The following RUNX1T1 variants were observed in gnomAD, a reference collection of about 807,000 sequenced individuals.
RUNX1T1 encodes RUNX1 partner transcriptional co-repressor 1.
In RUNX1T1, 4 loss-of-function variants were observed where a neutral mutation model predicts 62.8. That is an observed-to-expected ratio of 0.06 (90% CI 0.03 to 0.15). The LOEUF (loss-of-function observed/expected upper bound fraction) is 0.15, where lower values mean the gene tolerates loss of function less well. Ranked by LOEUF, RUNX1T1 falls within the 10% of genes least tolerant of loss-of-function variation. The pLI, the probability that RUNX1T1 is intolerant of heterozygous loss-of-function variation, is 1.00. For synonymous variants in RUNX1T1, 291 were observed against 286.0 expected (o/e 1.02, Z -0.18); for missense variants, 508 against 754.3 (o/e 0.67, Z 3.82).
At chr8:92,079,984 C>CT (rs1834998327) in intron 1 of RUNX1T1, among the ~76,000 whole-genome samples, 1 of 151,956 alleles carries the variant, frequency 6.6e-6, no homozygotes, top group Admixed American at 6.6e-5. Context: ...CATGTCCCCC[C>CT]ACCCTCTGCA....
At chr8:91,980,952 A>T (rs1382506922) in intron 8 of RUNX1T1, among the ~76,000 whole-genome samples, 1 of 152,012 alleles carries the variant, frequency 6.6e-6, no homozygotes, top group Non-Finnish European at 1.5e-5. Context: ...GATTATAGGC[A>T]TGAGACACTT....
At chr8:92,053,672 T>A (rs1830572745) in intron 1 of RUNX1T1, among the ~76,000 whole-genome samples, 1 of 152,238 alleles carries the variant, frequency 6.6e-6, no homozygotes, top group African/African-American at 2.4e-5. Context: ...TGAAAATTTT[T>A]ATAAGATTCA....
chr8:92,009,968 T>C (rs1207451603), intron 4 of RUNX1T1: 1 of 152,210 alleles, frequency 6.6e-6, no homozygotes, highest in Non-Finnish European at 1.5e-5. Flanking sequence ...GAAAGACTAA[T>C]ATCCAGAAAG....
chr8:92,013,589 G>T (rs1002493427), intron 3 of RUNX1T1, among the ~76,000 whole-genome samples: 23 of 152,240 alleles, frequency 1.5e-4, no homozygotes, highest in Non-Finnish European at 3.4e-4. Context: ...CTGCATATAC[G>T]ATTCATAGCT....
At chr8:92,080,622 C>T (rs1267307603) in intron 1 of RUNX1T1, among the ~76,000 whole-genome samples, 1 of 152,220 alleles carries the variant, frequency 6.6e-6, no homozygotes, top group African/African-American at 2.4e-5. Context: ...ATTTCTTACA[C>T]CTTTGGACCC....
chr8:92,036,044 T>C (rs1422760346), intron 1 of RUNX1T1, among the ~76,000 whole-genome samples: 1 of 152,182 alleles, frequency 6.6e-6, no homozygotes, highest in Non-Finnish European at 1.5e-5. Context: ...ACTGTAAATA[T>C]GGGTATATAT....
intron 1 of RUNX1T1, among the ~76,000 whole-genome samples, chr8:92,090,211 C>T (rs577219011): frequency 9.6e-4 from 143 of 148,752 alleles, no homozygotes; most frequent in African/African-American, 2.6e-3. Flanking sequence ...TTTTCTAATA[C>T]GGAGAAAGCT....
intron 1 of RUNX1T1, among the ~76,000 whole-genome samples, chr8:92,094,487 GA>G (rs1222211531): frequency 3.3e-5 from 5 of 152,022 alleles, no homozygotes; most frequent in Non-Finnish European, 7.3e-5. Flanking sequence ...GACTTGTAGT[GA>G]TTTTTTTTTC....
chr8:92,009,578 AT>A (rs1173954560), intron 4 of RUNX1T1: 1 of 143,234 alleles, frequency 7.0e-6, no homozygotes, highest in Non-Finnish European at 1.5e-5. Context: ...AAAGGAGCCT[AT>A]TTTTTCTTTC....
intron 6 of RUNX1T1, among the ~76,000 whole-genome samples, chr8:91,988,296 G>A (rs1816979219): frequency 6.6e-6 from 1 of 152,000 alleles, no homozygotes; most frequent in African/African-American, 2.4e-5. Context: ...TACCATTCCT[G>A]TCCAATTAGA....
intron 1 of RUNX1T1, among the ~76,000 whole-genome samples, chr8:92,060,176 G>A (rs892661744): frequency 6.6e-6 from 1 of 152,022 alleles, no homozygotes; most frequent in Non-Finnish European, 1.5e-5. Context: ...TGTTACAAAA[G>A]TGACAGGTAG....
At chr8:92,053,148 AAT>A (rs1830486748) in intron 1 of RUNX1T1, among the ~76,000 whole-genome samples, 1 of 152,020 alleles carries the variant, frequency 6.6e-6, no homozygotes, top group Admixed American at 6.6e-5. Context: ...TTTTAAAGAA[AAT>A]ATATATTATA....
chr8:92,005,600 C>T (rs957371247), intron 4 of RUNX1T1: 61 of 293,402 alleles, frequency 2.1e-4, no homozygotes, highest in Non-Finnish European at 3.1e-4. Flanking sequence ...GTATGTTCTA[C>T]GGTATGTGAG....
At chr8:91,956,111 C>T (rs544851452), downstream of RUNX1T1, 109 of 229,962 alleles carry the variant, frequency 4.7e-4, no homozygotes, top group Non-Finnish European at 7.3e-4. Flanking sequence ...GAGGTTGGCA[C>T]GAACCTCTCT....
chr8:92,014,645 C>T (rs368028475), exon 3 of RUNX1T1: 3 of 1,613,796 alleles, frequency 1.9e-6, no homozygotes, highest in Admixed American at 1.7e-5. Context: ...TGCCAAACTG[C>T]TGCAGGGTAG....
intron 10 of RUNX1T1, among the ~76,000 whole-genome samples, chr8:91,970,078 C>A (rs1812508172): frequency 1.4e-5 from 2 of 143,398 alleles, no homozygotes; most frequent in South Asian, 2.2e-4. Flanking sequence ...TATACTGGAA[C>A]AATAATATAT....
exon 3 of RUNX1T1, chr8:92,014,602 G>A (rs1354844348): frequency 2.5e-6 from 4 of 1,610,220 alleles, no homozygotes; most frequent in Non-Finnish European, 3.4e-6. Flanking sequence ...ACGAGGGTGC[G>A]AACTCTTTCT....
At chr8:92,042,603 G>A (rs1374015103) in intron 1 of RUNX1T1, among the ~76,000 whole-genome samples, 2 of 152,268 alleles carry the variant, frequency 1.3e-5, no homozygotes, top group East Asian at 1.9e-4. Context: ...CAGGCATGGG[G>A]CACCATGCCC....
chr8:92,076,243 G>T, intron 1 of RUNX1T1, 106 bp from the exon 2 acceptor site: 3 of 824,122 alleles, frequency 3.6e-6, no homozygotes, highest in Non-Finnish European at 4.9e-6. Context: ...GTTATGTTTT[G>T]TTTAAAAAAA....
Sources: gnomAD v4.1 joint callset for allele counts (sites outside exome capture counted in the v4.1 genomes callset) on GRCh38, gnomAD v4.1.1 for gene constraint, MANE v1.5 for transcripts, NCBI Gene and HGNC (gene_info 2026-07-23, HGNC 2026-07-21) for gene names.